The following ACCSL variants were observed in gnomAD, a reference collection of about 807,000 sequenced individuals.
ACCSL encodes the protein 1-aminocyclopropane-1-carboxylate synthase homolog (inactive) like.
In ACCSL, 55 loss-of-function variants were observed where a neutral mutation model predicts 61.7. The ratio of observed to expected loss-of-function variants is 0.89; its 90% confidence interval spans 0.72 to 1.12. ACCSL has a LOEUF of 1.12. Among genes scored for constraint, ACCSL ranks in the 50% most tolerant of loss-of-function variants. ACCSL has a pLI of 0.00. For synonymous variants in ACCSL, 258 were observed against 264.3 expected (o/e 0.98, Z 0.23); for missense variants, 632 against 698.0 (o/e 0.91, Z 1.07).
the ACCSL span, among the ~76,000 whole-genome samples, chr11:44,010,940 G>T: frequency 2.0e-5 from 3 of 152,306 alleles, no homozygotes; most frequent in Non-Finnish European, 4.4e-5. Context: ...GGTGACTCAA[G>T]TTAGGCAAAT....
At chr11:44,051,269 A>G (rs1372708205) in intron 3 of ACCSL, 66 bp from the exon 4 acceptor site, 4 of 1,531,250 alleles carry the variant, frequency 2.6e-6, no homozygotes, top group Non-Finnish European at 3.6e-6. Flanking sequence ...CTGGACAATG[A>G]CCATCTAGAC....
chr11:43,933,262 T>C, the ACCSL span: 434,729 of 437,856 alleles, frequency 0.99, 215,886 homozygotes, highest in East Asian at 1. Flanking sequence ...TACTAGCTGG[T>C]GGATGTCCCT....
chr11:44,031,597 G>T, the ACCSL span, among the ~76,000 whole-genome samples: 4 of 152,202 alleles, frequency 2.6e-5, no homozygotes, highest in Middle Eastern at 3.4e-3. Context: ...AGGTGGGAGG[G>T]CCTTCAGACT....
chr11:43,993,924 A>G, the ACCSL span, among the ~76,000 whole-genome samples: 2,262 of 152,300 alleles, frequency 0.015, 190 homozygotes, highest in Admixed American at 0.14. Flanking sequence ...AGTATCCTGT[A>G]TCTTGCAAAA....
At chr11:43,925,130 C>T in the ACCSL span, 1 of 242,956 alleles carries the variant, frequency 4.1e-6, no homozygotes. Context: ...TTCTTGCTCC[C>T]CTAGCCTGCC....
chr11:44,019,257 C>T, the ACCSL span, among the ~76,000 whole-genome samples: 1 of 152,174 alleles, frequency 6.6e-6, no homozygotes, highest in East Asian at 1.9e-4. Context: ...CAAGTGTTTG[C>T]CTGCACATAT....
chr11:43,942,524 A>G, the ACCSL span: 1 of 237,582 alleles, frequency 4.2e-6, no homozygotes, highest in Non-Finnish European at 8.5e-6. Flanking sequence ...GGGCGACGTC[A>G]GGCGGAAGGG....
At chr11:44,045,458 C>T (rs1474764004), upstream of ACCSL, among the ~76,000 whole-genome samples, 4 of 152,048 alleles carry the variant, frequency 2.6e-5, no homozygotes, top group African/African-American at 9.7e-5. Context: ...ACAACCCCCC[C>T]CACAAAAAAA....
the ACCSL span, among the ~76,000 whole-genome samples, chr11:43,954,122 T>C: frequency 2.0e-5 from 3 of 152,206 alleles, no homozygotes; most frequent in East Asian, 5.8e-4. Context: ...CACTCTCTGA[T>C]ATCCTGTGCT....
chr11:43,941,291 G>C, the ACCSL span, among the ~76,000 whole-genome samples: 2 of 152,148 alleles, frequency 1.3e-5, no homozygotes, highest in Non-Finnish European at 2.9e-5. Flanking sequence ...TGTATCATCT[G>C]TCTCTCCCCA....
the ACCSL span, among the ~76,000 whole-genome samples, chr11:43,979,803 C>T: frequency 7.4e-4 from 107 of 143,794 alleles, 1 homozygote; most frequent in African/African-American, 2.7e-3. Context: ...GCTGAGATTG[C>T]GCGACTGTGC....
At chr11:44,037,109 TACCTCC>T in the ACCSL span, among the ~76,000 whole-genome samples, 1 of 152,198 alleles carries the variant, frequency 6.6e-6, no homozygotes, top group Non-Finnish European at 1.5e-5. Flanking sequence ...TCCCACTGCC[TACCTCC>T]ACCTTTCCCC....
At chr11:44,009,934 T>A in the ACCSL span, among the ~76,000 whole-genome samples, 1 of 152,098 alleles carries the variant, frequency 6.6e-6, no homozygotes, top group African/African-American at 2.4e-5. Context: ...GGGGATAAAG[T>A]CTTCTCTCTT....
chr11:44,059,557 G>A (rs570323298), intron 13 of ACCSL, among the ~76,000 whole-genome samples: 26 of 152,324 alleles, frequency 1.7e-4, no homozygotes, highest in African/African-American at 6.0e-4. Flanking sequence ...AGACACTAGA[G>A]GCAAATAGAA....
chr11:43,940,561 C>T, the ACCSL span, among the ~76,000 whole-genome samples: 9 of 151,214 alleles, frequency 6.0e-5, no homozygotes, highest in South Asian at 2.1e-4. Context: ...GGGGTTTCAC[C>T]GTGTTAGCCA....
In ACCSL at chr11:44,059,849, T is replaced by C; in HGVS notation, c.1636T>C (p.Phe546Leu). The stretch of plus-strand genomic sequence containing the variant: ...TTTGAACCCTCTAGCTATGCGTCGG[T>C]TCTGTGATGTGCTGCAGGAGCAGAA... ...LPRLKLAMRR[F>L]CDVLQEQKEA... The change falls in exon 14 of 14, where the codon TTC becomes CTC. Residue 546 changes from phenylalanine to leucine, a missense_variant. Phe to Leu is a conservative substitution (Grantham distance 22, BLOSUM62 0). Coordinates refer to ENST00000378832, the MANE Select transcript of ACCSL (RefSeq NM_001031854.2). The C allele has an allele frequency of 6.2e-7, 1 of 1,613,666 alleles. No individual in the cohort carries two copies. Among genetic ancestry groups the C allele is most frequent in the East Asian group, 2.2e-5 (1 of 44,844 alleles).
chr11:43,996,209 A>T, the ACCSL span, among the ~76,000 whole-genome samples: 1 of 152,198 alleles, frequency 6.6e-6, no homozygotes, highest in Non-Finnish European at 1.5e-5. Flanking sequence ...TGAGAGGATA[A>T]ATTTCTGTTG....
At chr11:44,012,263 C>T in the ACCSL span, among the ~76,000 whole-genome samples, 2 of 151,868 alleles carry the variant, frequency 1.3e-5, no homozygotes, top group African/African-American at 4.8e-5. Flanking sequence ...CTTATATACT[C>T]TTCTTGGGAA....
chr11:44,021,677 C>G, the ACCSL span, among the ~76,000 whole-genome samples: 2 of 152,164 alleles, frequency 1.3e-5, no homozygotes, highest in Admixed American at 1.3e-4. Flanking sequence ...GGTTCTTGGT[C>G]ATGAACTCTT....
Sources: gnomAD v4.1 joint callset for allele counts (sites outside exome capture counted in the v4.1 genomes callset) on GRCh38, gnomAD v4.1.1 for gene constraint, MANE v1.5 for transcripts, NCBI Gene and HGNC (gene_info 2026-07-23, HGNC 2026-07-21) for gene names.